JADE1: variants seen among roughly 807,000 people sequenced by gnomAD.
JADE1 encodes the protein protein Jade-1.
In JADE1, 14 loss-of-function variants were observed where a neutral mutation model predicts 81.8. The observed-to-expected ratio is 0.17, with a 90% confidence interval of 0.11 to 0.27. The LOEUF (loss-of-function observed/expected upper bound fraction) is 0.27. Among genes scored for constraint, JADE1 ranks in the 10% least tolerant of loss-of-function variants. JADE1 has a pLI of 1.00. For missense variants in JADE1, 690 were observed against 1,047.9 expected (o/e 0.66, Z 4.71); for synonymous variants, 353 against 391.9 (o/e 0.90, Z 1.17).
chr4:128,827,211 C>T (rs1728156052), intron 1 of JADE1, among the ~76,000 whole-genome samples: 1 of 152,166 alleles, frequency 6.6e-6, no homozygotes, highest in African/African-American at 2.4e-5. Context: ...ACCATGGTCC[C>T]CCTTGAGTAA....
intron 9 of JADE1, among the ~76,000 whole-genome samples, chr4:128,867,633 C>G (rs1731877908): frequency 6.6e-6 from 1 of 152,200 alleles, no homozygotes; most frequent in African/African-American, 2.4e-5. Flanking sequence ...CCCTAACCCT[C>G]TTCGATGTTG....
intron 1 of JADE1, among the ~76,000 whole-genome samples, chr4:128,815,700 T>G (rs1726969609): frequency 6.6e-6 from 1 of 152,184 alleles, no homozygotes; most frequent in Non-Finnish European, 1.5e-5. Context: ...TAGGAATCTG[T>G]CACAGTTCTG....
rs1732477325 is a variant in JADE1, at chr4:128,875,140, A to G, written c.*2878A>G. On this transcript the variant is annotated 3_prime_UTR_variant, in exon 11 of 11. Coordinates refer to ENST00000226319, the MANE Select transcript of JADE1 (RefSeq NM_199320.4). ...AAAGTATTTATAAAACTAGTTGAGG[A>G]CAGCTGTATTTTTTTGTTGAACTAT... 6.6e-6 allele frequency: 1 copy of G among 152,520 alleles called. No homozygotes were observed. The highest frequency in any genetic ancestry group is 2.1e-4 in the South Asian group (1 of 4,824). 9.4% of individuals were successfully genotyped at this position (152,520 alleles called of 1,614,324 possible).
At chr4:128,844,262 C>T (rs1199003982) in intron 3 of JADE1, among the ~76,000 whole-genome samples, 1 of 152,136 alleles carries the variant, frequency 6.6e-6, no homozygotes, top group Non-Finnish European at 1.5e-5. Context: ...TAGTTCGAAA[C>T]CTACTTCCAG....
chr4:128,844,243 C>G (rs1372791698), intron 3 of JADE1, among the ~76,000 whole-genome samples: 1 of 152,158 alleles, frequency 6.6e-6, no homozygotes, highest in Non-Finnish European at 1.5e-5. Flanking sequence ...GGGCTGGTCC[C>G]CAGTGGTGTA....
intron 6 of JADE1, among the ~76,000 whole-genome samples, chr4:128,852,830 TTTGGGCAATC>T: frequency 6.6e-6 from 1 of 152,262 alleles, no homozygotes; most frequent in Non-Finnish European, 1.5e-5. Context: ...CTTATGGTGA[TTTGGGCAATC>T]TTGGGCATTC....
At chr4:128,825,722 G>A (rs563268585) in intron 1 of JADE1, among the ~76,000 whole-genome samples, 3 of 152,284 alleles carry the variant, frequency 2.0e-5, no homozygotes, top group South Asian at 2.1e-4. Context: ...TATCTCTGAC[G>A]TCTACCTTGA....
intron 5 of JADE1, 77 bp downstream of exon 5, chr4:128,849,244 A>G: frequency 7.7e-7 from 1 of 1,301,198 alleles, no homozygotes; most frequent in African/African-American, 1.5e-5. Flanking sequence ...TGAGTAGCAG[A>G]AAGCTCCTTA....
intron 8 of JADE1, 83 bp downstream of exon 8, chr4:128,857,537 A>G: frequency 8.8e-7 from 1 of 1,140,764 alleles, no homozygotes; most frequent in Non-Finnish European, 1.3e-6. Context: ...TGAACTGTCC[A>G]AGGGTTTGGA....
intron 4 of JADE1, among the ~76,000 whole-genome samples, chr4:128,847,128 C>T (rs548635287): frequency 6.6e-6 from 1 of 152,154 alleles, no homozygotes; most frequent in Non-Finnish European, 1.5e-5. Flanking sequence ...AGGGTCGAGT[C>T]CCTGCCGACT....
intron 1 of JADE1, chr4:128,816,547 C>A (rs1249768664): frequency 2.0e-5 from 3 of 152,052 alleles, no homozygotes; most frequent in Non-Finnish European, 4.4e-5. Flanking sequence ...TTTCCTAGCC[C>A]AGGACTTGAA....
At chr4:128,819,342 T>A (rs1416435880) in intron 1 of JADE1, among the ~76,000 whole-genome samples, 2 of 152,146 alleles carry the variant, frequency 1.3e-5, no homozygotes, top group African/African-American at 2.4e-5. Context: ...CGATCACGGC[T>A]CAGCAACCTT....
rs755666584 is a variant in JADE1, at chr4:128,872,064, A to G, written c.2331A>G (p.Pro777=). The G allele has an allele frequency of 1.1e-5, 17 of 1,614,014 alleles. No homozygotes were observed. In the East Asian group the frequency reaches 2.7e-4, roughly 25 times the overall value. The change falls in exon 11 of 11, where the codon CCA becomes CCG. Residue 777 remains proline, a synonymous_variant. Coordinates refer to ENST00000226319, the MANE Select transcript of JADE1 (RefSeq NM_199320.4). ...CCTGCCACCAGCACTCAGACTACCC[A>G]TATTTGGGCTTAGGCCGAGTTCCAG... ...DGACHQHSDY[P]YLGLGRVPAK... is the part of the protein sequence containing the mutation.
At position 128,849,091 on chromosome 4, in the gene JADE1, C is replaced by G; in HGVS notation, c.408C>G (p.Asp136Glu). 6.2e-7 allele frequency: 1 copy of G among 1,614,140 alleles called. No individual in the cohort carries two copies. Among genetic ancestry groups the G allele is most frequent in the Non-Finnish European group, 8.5e-7 (1 of 1,180,046 alleles). Residue 136 changes from aspartate to glutamate, a missense_variant, in exon 5 of 11, where the codon GAC becomes GAG. Coordinates refer to ENST00000226319, the MANE Select transcript of JADE1 (RefSeq NM_199320.4). ...ATGTGGACATCCGGACGCTGGCTGA[C>G]AGCGTGTGTCGCTATGACCTCAATG... ...LGYVDIRTLA[D>E]SVCRYDLNDM...
In JADE1 at chr4:128,820,666, A is replaced by G. The variant is rs113250012; in HGVS notation, c.-27+10789A>G. Among the ~76,000 whole-genome samples, 1,065 of 151,918 alleles carry G rather than the reference A, an allele frequency of 7.0e-3. 15 individuals are homozygous for G. Among genetic ancestry groups the G allele is most frequent in the African/African-American group, 0.02 (836 of 41,456 alleles). ...GTGTGTCATCTAGGTTTTCAAATAT[A>G]CAACATTGGGAGTCTCTCTCTTTTT... On this transcript the variant is annotated intron_variant, in intron 1 of 10. Coordinates refer to ENST00000226319, the MANE Select transcript of JADE1 (RefSeq NM_199320.4).
intron 8 of JADE1, 36 bp from the exon 9 acceptor site, chr4:128,861,668 T>C (rs1049472632): frequency 1.9e-6 from 3 of 1,601,220 alleles, no homozygotes; most frequent in Non-Finnish European, 2.6e-6. Context: ...TGCTCTATAA[T>C]GGTCTATTCT....
chr4:128,811,148 A>ATGGAATG (rs1214057743), intron 1 of JADE1: 1 of 152,242 alleles, frequency 6.6e-6, no homozygotes, highest in Non-Finnish European at 1.5e-5. Flanking sequence ...CGGGAGAGGG[A>ATGGAATG]TGGAATGTGG....
rs1729685523 is a variant in JADE1, at chr4:128,844,281, C to T, written c.138+1243C>T. Among the ~76,000 whole-genome samples, 7 of 152,242 alleles carry T rather than the reference C, an allele frequency of 4.6e-5. 1 individual carries two copies. In the South Asian group the frequency reaches 1.5e-3, roughly 32 times the overall value. ...TCGAAACCTACTTCCAGCAGTGACA[C>T]CAAGCATGGAGAAGGGGGCCCAGCA... On this transcript the variant is annotated intron_variant, in intron 3 of 10. Transcript: ENST00000226319.
intron 1 of JADE1, among the ~76,000 whole-genome samples, chr4:128,820,795 A>C (rs1727499071): frequency 6.6e-6 from 1 of 152,172 alleles, no homozygotes; most frequent in African/African-American, 2.4e-5. Flanking sequence ...AGTTCCTGAA[A>C]AACAGCTGCA....
Sources: allele counts gnomAD v4.1 joint callset (sites outside exome capture counted in the v4.1 genomes callset), GRCh38; gene constraint gnomAD v4.1.1; transcripts MANE v1.5; gene names NCBI Gene and HGNC (gene_info 2026-07-23, HGNC 2026-07-21).